Variants in CHAF1A observed in about 807,000 individuals in gnomAD.
The protein encoded by CHAF1A is chromatin assembly factor 1 subunit A, also known as CAF-1 subunit A.
In CHAF1A, 5 loss-of-function variants were observed where a neutral mutation model predicts 93.2. The observed-to-expected ratio is 0.05, with a 90% CI of 0.03 to 0.11. The LOEUF is 0.11. CHAF1A is among the 10% of genes least tolerant of loss of function. The pLI is 1.00. For missense variants in CHAF1A, 1,102 were observed against 1,259.9 expected (o/e 0.87, Z 1.90); for synonymous variants, 504 against 510.3 (o/e 0.99, Z 0.17).
chr19:4,405,818 C>A, intron 1 of CHAF1A, 94 bp from the exon 2 acceptor site: 1 of 1,122,562 alleles, frequency 8.9e-7, no homozygotes, highest in Non-Finnish European at 1.4e-6. Flanking sequence ...TCAGAATTGC[C>A]TCCACCTTGT....
rs1974002694 is a variant in CHAF1A at position 4,422,228 on chromosome 19, G to A, written c.1018-338G>A. ...GGGGTTTCACCATCTTGGCCAGGCT[G>A]GTCTCGAACTCCTGACCTCAGGTGA... On this transcript the variant is annotated intron_variant, in intron 4 of 14. Transcript: ENST00000301280. The surrounding 1 kb of genome is among the most constrained non-coding windows in gnomAD (Gnocchi z 4.6). Among the ~76,000 whole-genome samples the A allele has an allele frequency of 6.6e-6, 1 of 152,058 alleles. No homozygotes were observed. The highest frequency in any genetic ancestry group is 1.5e-5 in the Non-Finnish European group (1 of 68,006).
chr19:4,404,743 T>G (rs1444099812), intron 1 of CHAF1A, among the ~76,000 whole-genome samples: 1 of 152,210 alleles, frequency 6.6e-6, no homozygotes, highest in Non-Finnish European at 1.5e-5. Context: ...AAGCCAGATC[T>G]CCTGGTAAGT....
In CHAF1A at chr19:4,442,361, G is replaced by C. The variant is rs2145156779; in HGVS notation, c.2770+20G>C. The C allele has an allele frequency of 2.6e-6, 4 of 1,559,226 alleles. No homozygotes were observed. The highest frequency in any genetic ancestry group is 2.3e-5 in the East Asian group (1 of 42,944). ...CTGCGGGTGAGAAGGGCTGTAGATA[G>C]CAGAACGCACTGGTGAGGTGGGCGC... is the stretch of plus-strand genomic sequence containing the variant. On this transcript the variant is annotated intron_variant, in intron 14 of 14. Coordinates refer to ENST00000301280, the MANE Select transcript of CHAF1A (RefSeq NM_005483.3).
At position 4,423,529 on chromosome 19, in the gene CHAF1A, G is replaced by A. The variant is rs1171426382; in HGVS notation, c.1308+134G>A. The A allele has an allele frequency of 8.8e-6, 13 of 1,479,478 alleles. No homozygotes were observed. The East Asian group carries it at 9.3e-5, about 11-fold the overall frequency. The allele number at this position is 1,479,478 out of a possible 1,614,324, so 91.6% of individuals were successfully genotyped here. The stretch of plus-strand genomic sequence containing the variant: ...ACCAAATGGCGCCCGCAGGGAGGGC[G>A]AGTCTGTCTAGATGCGTTCTTGTTG... On this transcript the variant is annotated intron_variant, in intron 6 of 14. Transcript: ENST00000301280.
At chr19:4,411,573 C>T (rs1599640310) in intron 3 of CHAF1A, among the ~76,000 whole-genome samples, 1 of 140,300 alleles carries the variant, frequency 7.1e-6, no homozygotes, top group Non-Finnish European at 1.6e-5. Context: ...TTGTCTTTCA[C>T]CTGAGAAGAT....
At chr19:4,446,682 G>A, downstream of CHAF1A, 1 of 1,611,702 alleles carries the variant, frequency 6.2e-7, no homozygotes. Flanking sequence ...GCTGGGCCAA[G>A]GTGGTCTCGC....
At chr19:4,412,772 G>A (rs1002075958) in intron 3 of CHAF1A, among the ~76,000 whole-genome samples, 8 of 152,194 alleles carry the variant, frequency 5.3e-5, no homozygotes, top group African/African-American at 7.2e-5. Flanking sequence ...GTTTTGGGAT[G>A]CACTTGAAGG....
At chr19:4,429,374 C>T (rs987783722) in intron 8 of CHAF1A, 64 bp from the exon 9 acceptor site, 1 of 1,562,684 alleles carries the variant, frequency 6.4e-7, no homozygotes, top group South Asian at 1.2e-5. Context: ...AGGGAGGTTC[C>T]TGGGAGGTTT....
At chr19:4,405,656 T>G (rs1309675371) in intron 1 of CHAF1A, among the ~76,000 whole-genome samples, 1 of 151,460 alleles carries the variant, frequency 6.6e-6, no homozygotes, top group Non-Finnish European at 1.5e-5. Context: ...AATTCTTCAT[T>G]GTGGTGTGCT....
intron 4 of CHAF1A, among the ~76,000 whole-genome samples, chr19:4,420,894 G>T (rs1362759986): frequency 6.6e-6 from 1 of 152,022 alleles, no homozygotes; most frequent in Non-Finnish European, 1.5e-5. Flanking sequence ...GCAACATAGT[G>T]AGACTCCATC....
intron 7 of CHAF1A, 80 bp from the exon 8 acceptor site, chr19:4,428,584 C>A: frequency 8.0e-7 from 1 of 1,252,296 alleles, no homozygotes; most frequent in Non-Finnish European, 1.2e-6. Flanking sequence ...TGAATCCCAC[C>A]AGCACCCTGC....
intron 4 of CHAF1A, among the ~76,000 whole-genome samples, chr19:4,418,573 G>A (rs1293545599): frequency 2.0e-5 from 3 of 151,322 alleles, no homozygotes; most frequent in South Asian, 2.1e-4. Context: ...CCACCACCAC[G>A]CCTGGCTAAT....
At chr19:4,441,684 A>G (rs933282319) in intron 13 of CHAF1A, among the ~76,000 whole-genome samples, 3 of 151,994 alleles carry the variant, frequency 2.0e-5, no homozygotes, top group Admixed American at 2.0e-4. Flanking sequence ...AGGCGGGCGG[A>G]TCACGAGGTC....
At chr19:4,430,523 A>C in intron 10 of CHAF1A, 26 bp from the exon 11 acceptor site, 1 of 1,489,268 alleles carries the variant, frequency 6.7e-7, no homozygotes. Context: ...CTATCTGATG[A>C]ACTCTTTTTT....
chr19:4,432,111 G>A lies in CHAF1A; in HGVS notation c.2107G>A (p.Val703Ile), dbSNP rs1974194444. Residue 703 changes from valine to isoleucine, a missense_variant, in exon 12 of 15, where the codon GTA (valine) becomes ATA (isoleucine). This residue lies in a region of CHAF1A where 335 missense variants were observed against 361.9 expected (regional missense o/e 0.93). Transcript: ENST00000301280. ...AGACTGCGCAGGCGATGACCTGAAG[G>A]TACTGCAGCAGTTCGCAGCCTGCTT... ...DRDCAGDDLK[V>I]LQQFAACFLE... The A allele has an allele frequency of 6.2e-7, 1 of 1,613,908 alleles. No individual in the cohort carries two copies. Among genetic ancestry groups the A allele is most frequent in the South Asian group, 1.1e-5 (1 of 91,078 alleles).
chr19:4,409,107 G>A lies in CHAF1A; in HGVS notation c.308G>A (p.Arg103Lys). The A allele has an allele frequency of 6.2e-7, 1 of 1,614,188 alleles. No individual in the cohort carries two copies. Among genetic ancestry groups the A allele is most frequent in the Non-Finnish European group, 8.5e-7 (1 of 1,180,034 alleles). Residue 103 changes from arginine (R) to lysine (K), a missense_variant, in exon 3 of 15, where the codon AGA (arginine) becomes AAA (lysine). Physicochemically the swap from Arg to Lys is conservative, Grantham distance 26. Coordinates refer to ENST00000301280, the MANE Select transcript of CHAF1A (RefSeq NM_005483.3). ...NGKGPLDNFLRNRIETSIGQS... is the reference protein window; with the variant it reads ...NGKGPLDNFLKNRIETSIGQS... ...AAGGGTCCCTTAGATAACTTTTTAA[G>A]AAATAGAATCGAAACCAGTATTGGC...
In CHAF1A at chr19:4,429,787, G is replaced by T; in HGVS notation, c.1853G>T (p.Gly618Val). 6.2e-7 allele frequency: 1 copy of T among 1,611,792 alleles called. No homozygotes were observed. Among genetic ancestry groups the T allele is most frequent in the Non-Finnish European group, 8.5e-7 (1 of 1,178,888 alleles). ...EPGESLSHSE[G>V]DDDDDMGEDE... is the part of the protein sequence containing the mutation. ...GGGGAGTCCCTGTCCCACAGTGAGG[G>T]GGTAAGGATGTGCCCCAGCTGTCTT... is the stretch of plus-strand genomic sequence containing the variant. The change falls in exon 10 of 15, where the codon GGG becomes GTG. Residue 618 changes from glycine (G) to valine (V), a missense_variant and splice_region_variant. Around this residue, in one of 6 missense-constraint regions of CHAF1A, gnomAD observed 335 missense variants for 361.9 expected, o/e 0.93. Coordinates refer to ENST00000301280, the MANE Select transcript of CHAF1A (RefSeq NM_005483.3).
chr19:4,448,485 A>T, downstream of CHAF1A: 1 of 1,277,190 alleles, frequency 7.8e-7, no homozygotes. Flanking sequence ...CTGCCCAGGT[A>T]ACAGGGGCAG....
chr19:4,405,718 A>C (rs966471051), intron 1 of CHAF1A, among the ~76,000 whole-genome samples, 194 bp from the exon 2 acceptor site: 5 of 151,432 alleles, frequency 3.3e-5, no homozygotes, highest in Non-Finnish European at 7.4e-5. Flanking sequence ...TACCCACTGG[A>C]TGTGAATAGC....
Sources: allele counts gnomAD v4.1 joint callset (sites outside exome capture counted in the v4.1 genomes callset), GRCh38; gene constraint gnomAD v4.1.1; regional missense constraint gnomAD v4.1.1; non-coding constraint Gnocchi (gnomAD v3.1); transcripts MANE v1.5; gene names NCBI Gene and HGNC (gene_info 2026-07-23, HGNC 2026-07-21).